Variants in AGBL4 observed in about 807,000 individuals in gnomAD.
AGBL4 encodes AGBL carboxypeptidase 4, also known as cytosolic carboxypeptidase 6.
Under a neutral mutation model 66.4 loss-of-function variants are expected in AGBL4, and 58 were observed. That is an observed-to-expected ratio of 0.87 (90% CI 0.71 to 1.09). AGBL4 has a LOEUF of 1.09. Ranked by LOEUF, AGBL4 falls within the 50% of genes least tolerant of loss-of-function variation. The pLI, the probability that AGBL4 is intolerant of heterozygous loss-of-function variation, is 0.00. For missense variants in AGBL4, 579 were observed against 631.0 expected, an observed-to-expected ratio of 0.92 and a Z score of 0.88; for synonymous variants, 234 against 222.9, an observed-to-expected ratio of 1.05 and a Z score of -0.44.
At chr1:49,833,808 G>T (rs11205650) in intron 2 of AGBL4, among the ~76,000 whole-genome samples, 103,216 of 150,902 alleles carry the variant, frequency 0.68, 35,994 homozygotes, top group African/African-American at 0.78. Flanking sequence ...TGTTATTGGT[G>T]TATAAGAATG....
intron 5 of AGBL4, among the ~76,000 whole-genome samples, chr1:48,867,472 A>T (rs1434498134): frequency 6.6e-6 from 1 of 152,102 alleles, no homozygotes; most frequent in Non-Finnish European, 1.5e-5. Context: ...CTCTCAGACA[A>T]ATTATACCAT....
intron 6 of AGBL4, among the ~76,000 whole-genome samples, chr1:48,817,035 T>C (rs1238990388): frequency 2.6e-5 from 4 of 152,230 alleles, no homozygotes; most frequent in East Asian, 3.9e-4. Flanking sequence ...GGAAATGAAA[T>C]AGAAGTTAGT....
intron 3 of AGBL4, among the ~76,000 whole-genome samples, chr1:49,280,301 A>G (rs997650473): frequency 6.6e-6 from 1 of 151,920 alleles, no homozygotes; most frequent in African/African-American, 2.4e-5. Flanking sequence ...TTGAGTATTA[A>G]CCCCATCTCC....
chr1:50,022,614 CCA>C (rs10588611), intron 1 of AGBL4, among the ~76,000 whole-genome samples: 5,859 of 141,206 alleles, frequency 0.041, 172 homozygotes, highest in Non-Finnish European at 0.054. Flanking sequence ...TGTACCATAA[CCA>C]CACACACACA....
At chr1:49,152,376 T>C (rs962637681) in intron 4 of AGBL4, among the ~76,000 whole-genome samples, 26 of 152,198 alleles carry the variant, frequency 1.7e-4, no homozygotes, top group African/African-American at 6.3e-4. Flanking sequence ...GTCAGTCACG[T>C]GTGGAACCTG....
At chr1:48,958,149 C>A (rs538087740) in intron 5 of AGBL4, among the ~76,000 whole-genome samples, 81 of 152,150 alleles carry the variant, frequency 5.3e-4, no homozygotes, top group Non-Finnish European at 9.8e-4. Context: ...TGAGCCACTG[C>A]GCCTGGCCTC....
intron 3 of AGBL4, among the ~76,000 whole-genome samples, chr1:49,679,166 T>G (rs559959586): frequency 1.3e-5 from 2 of 152,164 alleles, no homozygotes; most frequent in African/African-American, 4.8e-5. Context: ...TGAATTTATG[T>G]ATTTCCTCAA....
chr1:49,742,839 G>A (rs961688597), intron 2 of AGBL4, among the ~76,000 whole-genome samples: 1 of 152,094 alleles, frequency 6.6e-6, no homozygotes, highest in African/African-American at 2.4e-5. Context: ...TGGGAAAACT[G>A]GCTAGCCATA....
intron 3 of AGBL4, among the ~76,000 whole-genome samples, chr1:49,272,364 G>A (rs1460729640): frequency 6.6e-6 from 1 of 151,942 alleles, no homozygotes; most frequent in Non-Finnish European, 1.5e-5. Context: ...GTTCCTTAAT[G>A]GGCTCCACCC....
chr1:48,645,570 C>A (rs893350038), intron 8 of AGBL4, among the ~76,000 whole-genome samples: 5 of 152,122 alleles, frequency 3.3e-5, no homozygotes, highest in African/African-American at 9.7e-5. Context: ...TTCTGATGAC[C>A]CCTTTCTATT....
intron 3 of AGBL4, among the ~76,000 whole-genome samples, chr1:49,625,336 T>C (rs1025814547): frequency 3.3e-5 from 5 of 152,194 alleles, no homozygotes; most frequent in Non-Finnish European, 7.4e-5. Flanking sequence ...TGTTACCATT[T>C]TTTCCTTCTC....
At chr1:49,201,743 T>A (rs971618435) in intron 4 of AGBL4, among the ~76,000 whole-genome samples, 3 of 152,184 alleles carry the variant, frequency 2.0e-5, no homozygotes, top group Non-Finnish European at 4.4e-5. Flanking sequence ...AATCTAATTT[T>A]ACAACTTTTT....
chr1:49,747,653 T>A (rs942902560), intron 2 of AGBL4, among the ~76,000 whole-genome samples: 2 of 152,168 alleles, frequency 1.3e-5, no homozygotes, highest in Non-Finnish European at 2.9e-5. Flanking sequence ...CTCTTTGTCC[T>A]TAGATTATTT....
rs552257763 is a variant in AGBL4 at position 49,396,939 on chromosome 1, C to T, written c.283-151075G>A. ...CCAGTTTCGTGGGAGACAATTTTTCCGCAGACAGTGGGGTGGGGATGGTTT... is the reference window on the plus strand; with the variant it reads ...CCAGTTTCGTGGGAGACAATTTTTCTGCAGACAGTGGGGTGGGGATGGTTT... On this transcript the variant is annotated intron_variant, in intron 3 of 13. Coordinates refer to ENST00000371839, the MANE Select transcript of AGBL4 (RefSeq NM_032785.4). Among the ~76,000 whole-genome samples the T allele has an allele frequency of 2.1e-4, 32 of 152,236 alleles. No homozygotes were observed. The South Asian group carries it at 3.3e-3, about 16-fold the overall frequency.
At chr1:49,994,579 C>T (rs1660220483) in intron 1 of AGBL4, 1 of 152,584 alleles carries the variant, frequency 6.6e-6, no homozygotes, top group Admixed American at 6.5e-5. Context: ...ACTCTTGTCT[C>T]TGCAGAATAT....
intron 4 of AGBL4, among the ~76,000 whole-genome samples, chr1:49,196,247 A>G (rs1319107697): frequency 1.3e-5 from 2 of 152,116 alleles, no homozygotes; most frequent in Admixed American, 6.5e-5. Flanking sequence ...AAAATTTTGT[A>G]TGACTGGATT....
At chr1:49,095,206 C>T (rs1277481316) in intron 4 of AGBL4, among the ~76,000 whole-genome samples, 1 of 152,178 alleles carries the variant, frequency 6.6e-6, no homozygotes. Flanking sequence ...AATGGAAGAA[C>T]ATTCCATGCT....
At chr1:49,036,554 A>G (rs1664671432) in intron 5 of AGBL4, among the ~76,000 whole-genome samples, 1 of 151,974 alleles carries the variant, frequency 6.6e-6, no homozygotes, top group African/African-American at 2.4e-5. Context: ...CAGTGTCTTG[A>G]TATGATTGTC....
intron 4 of AGBL4, among the ~76,000 whole-genome samples, chr1:49,078,666 A>G (rs1644754978): frequency 1.3e-5 from 2 of 151,600 alleles, no homozygotes; most frequent in African/African-American, 4.8e-5. Context: ...TTAAACCACC[A>G]TTTTCTTTCT....
Sources: gnomAD v4.1 joint callset for allele counts (sites outside exome capture counted in the v4.1 genomes callset) on GRCh38, gnomAD v4.1.1 for gene constraint, MANE v1.5 for transcripts, NCBI Gene and HGNC (gene_info 2026-07-23, HGNC 2026-07-21) for gene names.